Variants in SMYD2 observed in about 807,000 individuals in gnomAD.
The protein encoded by SMYD2 is SET and MYND domain containing 2.
Under a neutral mutation model 59.1 loss-of-function variants are expected in SMYD2, and 53 were observed. The ratio of observed to expected loss-of-function variants is 0.90; its 90% CI spans 0.72 to 1.13. SMYD2 has a LOEUF of 1.13. Among genes scored for constraint, SMYD2 ranks in the 50% most tolerant of loss-of-function variants. The pLI, the probability that SMYD2 is intolerant of heterozygous loss-of-function variation, is 0.00. For missense variants in SMYD2, 494 were observed against 544.7 expected, an observed-to-expected ratio of 0.91 and a Z score of 0.93; for synonymous variants, 208 against 198.8, an observed-to-expected ratio of 1.05 and a Z score of -0.39.
intron 11 of SMYD2, among the ~76,000 whole-genome samples, chr1:214,335,831 C>T (rs1438356348): frequency 6.6e-6 from 1 of 152,150 alleles, no homozygotes; most frequent in Non-Finnish European, 1.5e-5. Flanking sequence ...GTTACATTGC[C>T]TCACTATAAA....
intron 11 of SMYD2, 74 bp downstream of exon 11, chr1:214,334,382 C>A: frequency 7.5e-7 from 1 of 1,338,198 alleles, no homozygotes; most frequent in Non-Finnish European, 1.1e-6. Context: ...CATGCCTCAC[C>A]AGGCTGAATG....
intron 1 of SMYD2, among the ~76,000 whole-genome samples, chr1:214,293,210 G>A (rs6691532): frequency 0.39 from 58,841 of 151,802 alleles, 11,651 homozygotes; most frequent in Middle Eastern, 0.5. Flanking sequence ...TTGCCACCAC[G>A]TCTGGCTAAT....
At chr1:214,323,743 C>T (rs12124373) in intron 5 of SMYD2, among the ~76,000 whole-genome samples, 10,335 of 151,894 alleles carry the variant, frequency 0.068, 494 homozygotes, top group Non-Finnish European at 0.1. Context: ...GCCCGTACAA[C>T]GTTTCTTTTA....
At chr1:214,323,329 T>C (rs1245596508) in intron 5 of SMYD2, among the ~76,000 whole-genome samples, 5 of 152,336 alleles carry the variant, frequency 3.3e-5, no homozygotes, top group Middle Eastern at 3.4e-3. Context: ...AATGAGTTTA[T>C]AGAACAGTAC....
At chr1:214,324,957 A>G (rs1001129759) in intron 6 of SMYD2, among the ~76,000 whole-genome samples, 4 of 152,266 alleles carry the variant, frequency 2.6e-5, no homozygotes, top group Non-Finnish European at 2.9e-5. Context: ...AGAATATTTT[A>G]TAGCGCGCAT....
chr1:214,317,002 C>A (rs1223776993), intron 3 of SMYD2, among the ~76,000 whole-genome samples: 2 of 151,988 alleles, frequency 1.3e-5, no homozygotes, highest in Non-Finnish European at 2.9e-5. Flanking sequence ...TTATTTTGTT[C>A]CCCTGAATTA....
In SMYD2 at chr1:214,310,684, C is replaced by T. The variant is rs984213563; in HGVS notation, c.238-4078C>T. On this transcript the variant is annotated intron_variant, in intron 2 of 11. Transcript: ENST00000366957. ...ATCACTCTGTATACAGCAGTACTGC[C>T]AGTATTCAAAAATACGGTAATTTAT... Among the ~76,000 whole-genome samples, 19 of 152,160 alleles carry T rather than the reference C, an allele frequency of 1.2e-4. No individual in the cohort carries two copies. The South Asian group carries it at 2.5e-3, about 20-fold the overall frequency.
Sources: gnomAD v4.1 joint callset for allele counts (sites outside exome capture counted in the v4.1 genomes callset) on GRCh38, gnomAD v4.1.1 for gene constraint, MANE v1.5 for transcripts, NCBI Gene and HGNC (gene_info 2026-07-23, HGNC 2026-07-21) for gene names.